Variants in AUTS2 observed in about 807,000 individuals in gnomAD.
The protein encoded by AUTS2 is autism susceptibility gene 2 protein.
In AUTS2, 17 loss-of-function variants were observed where a neutral mutation model predicts 112.4. That is an observed-to-expected ratio of 0.15 (90% CI 0.10 to 0.23). AUTS2 has a LOEUF of 0.23. Ranked by LOEUF, AUTS2 falls within the 10% of genes least tolerant of loss-of-function variation. The pLI, the probability that AUTS2 is intolerant of heterozygous loss-of-function variation, is 1.00. For synonymous variants in AUTS2, 751 were observed against 702.7 expected (o/e 1.07, Z -1.09); for missense variants, 1,510 against 1,701.6 (o/e 0.89, Z 1.98).
chr7:69,757,948 C>T (rs1032348674), intron 1 of AUTS2, among the ~76,000 whole-genome samples: 6 of 152,176 alleles, frequency 3.9e-5, no homozygotes, highest in South Asian at 2.1e-4. Context: ...CTGGGATAAA[C>T]GTTTCACTAA....
At chr7:69,998,587 T>C (rs1206062118) in intron 2 of AUTS2, among the ~76,000 whole-genome samples, 1 of 152,238 alleles carries the variant, frequency 6.6e-6, no homozygotes, top group Non-Finnish European at 1.5e-5. Context: ...CACCTGTTTG[T>C]TTAGTAAATA....
intron 5 of AUTS2, among the ~76,000 whole-genome samples, chr7:70,657,383 C>A (rs530754849): frequency 6.6e-6 from 1 of 152,272 alleles, no homozygotes; most frequent in East Asian, 1.9e-4. Flanking sequence ...ATGCAAAACA[C>A]AGACCTTTGT....
At chr7:70,581,948 T>C (rs1053919114) in intron 5 of AUTS2, among the ~76,000 whole-genome samples, 10 of 152,152 alleles carry the variant, frequency 6.6e-5, no homozygotes, top group African/African-American at 2.4e-4. Context: ...CTTTAGTCTA[T>C]GTATAGTAAG....
At chr7:69,682,466 G>C (rs954344710) in intron 1 of AUTS2, among the ~76,000 whole-genome samples, 1 of 152,140 alleles carries the variant, frequency 6.6e-6, no homozygotes, top group African/African-American at 2.4e-5. Flanking sequence ...ACCTGAGTAA[G>C]ATCATTTTCT....
At chr7:70,240,215 C>T (rs1172293198) in intron 4 of AUTS2, among the ~76,000 whole-genome samples, 1 of 152,166 alleles carries the variant, frequency 6.6e-6, no homozygotes, top group African/African-American at 2.4e-5. Context: ...AATATGGTGC[C>T]TCTTTCAGAG....
At chr7:70,383,722 A>G (rs1793479245) in intron 4 of AUTS2, among the ~76,000 whole-genome samples, 1 of 152,228 alleles carries the variant, frequency 6.6e-6, no homozygotes, top group South Asian at 2.1e-4. Flanking sequence ...GGACATCTCC[A>G]TAAGACAAGC....
chr7:69,969,707 C>A (rs1001236646), intron 2 of AUTS2, among the ~76,000 whole-genome samples: 1 of 152,102 alleles, frequency 6.6e-6, no homozygotes, highest in Non-Finnish European at 1.5e-5. Context: ...GCCATTCTTA[C>A]AAAGGCTTTT....
At chr7:70,609,496 G>A (rs1803959848) in intron 5 of AUTS2, among the ~76,000 whole-genome samples, 1 of 149,852 alleles carries the variant, frequency 6.7e-6, no homozygotes, top group Non-Finnish European at 1.5e-5. Context: ...CCAGGTTCGT[G>A]CTATTCTCCT....
At chr7:70,506,169 A>G (rs149773835) in intron 5 of AUTS2, among the ~76,000 whole-genome samples, 1 of 152,206 alleles carries the variant, frequency 6.6e-6, no homozygotes, top group South Asian at 2.1e-4. Flanking sequence ...GGAGCCAATC[A>G]GGATCATAAC....
chr7:69,796,096 ATGTTTTTC>A (rs1216229722), intron 1 of AUTS2, among the ~76,000 whole-genome samples: 7 of 152,182 alleles, frequency 4.6e-5, no homozygotes, highest in Non-Finnish European at 1.0e-4. Context: ...TAGCCTCTGG[ATGTTTTTC>A]ACATTCCAGG....
At chr7:70,707,566 GCAGGAACCCTCAA>G (rs1809805221) in intron 6 of AUTS2, among the ~76,000 whole-genome samples, 1 of 152,150 alleles carries the variant, frequency 6.6e-6, no homozygotes, top group South Asian at 2.1e-4. Flanking sequence ...GAAGACACTG[GCAGGAACCCTCAA>G]CAAGGGCTTC....
chr7:70,108,012 A>G (rs78130092), intron 2 of AUTS2, among the ~76,000 whole-genome samples: 3 of 147,580 alleles, frequency 2.0e-5, no homozygotes, highest in East Asian at 2.0e-4. Flanking sequence ...CTCTGTCTCA[A>G]AAAAAAAAAA....
intron 2 of AUTS2, among the ~76,000 whole-genome samples, chr7:70,040,799 G>A (rs1433908232): frequency 3.3e-5 from 5 of 152,196 alleles, no homozygotes; most frequent in Non-Finnish European, 5.9e-5. Context: ...GCCACTGCAG[G>A]TTACCCTGGG....
At chr7:69,825,582 G>A (rs1562909314) in intron 1 of AUTS2, among the ~76,000 whole-genome samples, 1 of 152,068 alleles carries the variant, frequency 6.6e-6, no homozygotes, top group Non-Finnish European at 1.5e-5. Context: ...TGTGTCTTTT[G>A]TATCTCTGAA....
intron 1 of AUTS2, among the ~76,000 whole-genome samples, chr7:69,711,512 G>A (rs1227309251): frequency 6.6e-6 from 1 of 152,098 alleles, no homozygotes; most frequent in Non-Finnish European, 1.5e-5. Context: ...AAACCACTGT[G>A]GTTCTCTGGA....
rs540611604 is a variant in AUTS2 at position 70,446,021 on chromosome 7, C to T, written c.690+10240C>T. Among the ~76,000 whole-genome samples the T allele has an allele frequency of 1.4e-4, 22 of 152,262 alleles. No homozygotes were observed. In the East Asian group the frequency reaches 2.3e-3, roughly 16 times the overall value. On this transcript the variant is annotated intron_variant, in intron 5 of 18. Coordinates refer to ENST00000342771, the MANE Select transcript of AUTS2 (RefSeq NM_015570.4). Reference sequence around the variant, plus strand: ...GTCCCTGCAGACCATTTTCTTCCTACGACCCCACACAGGAGAAGGGGCCAT... The same window carrying T: ...GTCCCTGCAGACCATTTTCTTCCTATGACCCCACACAGGAGAAGGGGCCAT...
At chr7:69,695,364 T>C (rs1047406518) in intron 1 of AUTS2, among the ~76,000 whole-genome samples, 5 of 151,926 alleles carry the variant, frequency 3.3e-5, no homozygotes, top group African/African-American at 1.2e-4. Context: ...AATATAAATA[T>C]AGATTAACAA....
At chr7:70,463,982 A>C (rs1446670657) in intron 5 of AUTS2, among the ~76,000 whole-genome samples, 2 of 152,186 alleles carry the variant, frequency 1.3e-5, no homozygotes, top group African/African-American at 4.8e-5. Context: ...ATGTTCAACA[A>C]ATCTGTAGCT....
At chr7:70,563,079 A>G (rs1490993265) in intron 5 of AUTS2, among the ~76,000 whole-genome samples, 2 of 152,150 alleles carry the variant, frequency 1.3e-5, no homozygotes, top group Non-Finnish European at 2.9e-5. Context: ...CTAAAATCTA[A>G]AAGTGGAGCT....
Sources: gnomAD v4.1 joint callset for allele counts (sites outside exome capture counted in the v4.1 genomes callset) on GRCh38, gnomAD v4.1.1 for gene constraint, MANE v1.5 for transcripts, NCBI Gene and HGNC (gene_info 2026-07-23, HGNC 2026-07-21) for gene names.